The following SCAPER variants were observed in gnomAD, a reference collection of about 807,000 sequenced individuals.
The protein encoded by SCAPER is S phase cyclin A-associated protein in the endoplasmic reticulum.
In SCAPER, 98 loss-of-function variants were observed where a neutral mutation model predicts 182.2. The observed-to-expected ratio is 0.54, with a 90% CI of 0.46 to 0.64. The LOEUF (loss-of-function observed/expected upper bound fraction) is 0.64. SCAPER is among the 30% of genes least tolerant of loss of function. The probability of loss-of-function intolerance (pLI) is 0.00; values close to 1 mark genes in which losing one functional copy is unlikely to be tolerated. For synonymous variants in SCAPER, 605 were observed against 564.6 expected (o/e 1.07, Z -1.01); for missense variants, 1,432 against 1,690.0 (o/e 0.85, Z 2.68).
intron 20 of SCAPER, among the ~76,000 whole-genome samples, chr15:76,679,254 T>G (rs1342854423): frequency 6.6e-6 from 1 of 152,184 alleles, no homozygotes; most frequent in African/African-American, 2.4e-5. Flanking sequence ...CTTTTACCTA[T>G]GTTTCCCTAG....
chr15:76,847,091 G>A (rs761750356), intron 4 of SCAPER, among the ~76,000 whole-genome samples: 11 of 152,078 alleles, frequency 7.2e-5, no homozygotes, highest in African/African-American at 1.4e-4. Flanking sequence ...AATAAGCCAG[G>A]CACAGAAAGA....
In SCAPER at chr15:76,749,236, A is replaced by T. The variant is rs900715442; in HGVS notation, c.1866+4572T>A. 5.3e-5 allele frequency among the ~76,000 whole-genome samples: 8 copies of T among 149,548 alleles called. No individual in the cohort carries two copies. The East Asian group carries it at 5.8e-4, about 11-fold the overall frequency. ...AAATCAAGCAGTGAAATTCATCATT[A>T]AAAAAAAAATTTAATGGTATCTTAA... On this transcript the variant is annotated intron_variant, in intron 15 of 31. Transcript: ENST00000563290.
intron 25 of SCAPER, among the ~76,000 whole-genome samples, chr15:76,450,209 C>A (rs2048281989): frequency 6.6e-6 from 1 of 152,126 alleles, no homozygotes; most frequent in South Asian, 2.1e-4. Context: ...CTGAAAAGGG[C>A]ACTCAAAAGT....
chr15:76,410,492 T>C (rs1323495477), intron 26 of SCAPER, among the ~76,000 whole-genome samples: 1 of 152,164 alleles, frequency 6.6e-6, no homozygotes, highest in Non-Finnish European at 1.5e-5. Flanking sequence ...TCAAAAGAGG[T>C]GGCATCTTCA....
In SCAPER at chr15:76,815,223, AC is replaced by A. The variant is rs1415367042; in HGVS notation, c.394-10591del. On this transcript the variant is annotated intron_variant, in intron 5 of 31. Coordinates refer to ENST00000563290, the MANE Select transcript of SCAPER (RefSeq NM_020843.4). The stretch of plus-strand genomic sequence containing the variant: ...GAAAGTTTCTCAAAAAATTAAAAAT[AC>A]AACTACCATATGACCCAAAAATCCC... Among the ~76,000 whole-genome samples, 19 of 152,342 alleles carry A rather than the reference AC, an allele frequency of 1.2e-4. 1 individual carries two copies. Among genetic ancestry groups the A allele is most frequent in the African/African-American group, 4.1e-4 (17 of 41,588 alleles).
intron 29 of SCAPER, among the ~76,000 whole-genome samples, chr15:76,369,236 A>T (rs1229558046): frequency 6.6e-6 from 1 of 152,258 alleles, no homozygotes; most frequent in African/African-American, 2.4e-5. Context: ...TGTCTTATAA[A>T]GACACAAGCT....
intron 4 of SCAPER, among the ~76,000 whole-genome samples, chr15:76,848,636 A>T (rs575744744): frequency 1.3e-5 from 2 of 152,142 alleles, no homozygotes; most frequent in South Asian, 2.1e-4. Flanking sequence ...GCCCGGGCAA[A>T]GATTTATGTC....
At chr15:76,467,034 T>C (rs2049724322) in intron 25 of SCAPER, among the ~76,000 whole-genome samples, 1 of 152,052 alleles carries the variant, frequency 6.6e-6, no homozygotes, top group Admixed American at 6.6e-5. Context: ...ACAAGATCAG[T>C]TGTTTAAAAG....
rs1374833395 is a variant in SCAPER at position 76,444,334 on chromosome 15, A to ACG, written c.3079-10025_3079-10024insCG. Among the ~76,000 whole-genome samples the ACG allele has an allele frequency of 1.5e-4, 23 of 152,222 alleles. 1 individual carries two copies. Among genetic ancestry groups the ACG allele is most frequent in the Non-Finnish European group, 2.9e-5 (2 of 68,036 alleles). On this transcript the variant is annotated intron_variant, in intron 25 of 31. Transcript: ENST00000563290. ...ACCCTTAGTTTTTTAGGGATGAATT[A>ACG]GGTGGCTGGTAGTACCACTTATAAA...
intron 15 of SCAPER, among the ~76,000 whole-genome samples, chr15:76,752,374 T>C (rs1045791061): frequency 8.6e-5 from 13 of 151,854 alleles, no homozygotes; most frequent in African/African-American, 3.1e-4. Flanking sequence ...GCCTTTCCAA[T>C]TCTGGGTATA....
At chr15:76,625,626 G>A (rs2052501699) in intron 21 of SCAPER, among the ~76,000 whole-genome samples, 1 of 152,102 alleles carries the variant, frequency 6.6e-6, no homozygotes, top group South Asian at 2.1e-4. Flanking sequence ...TCTGATTGTG[G>A]CACCTTTCTG....
chr15:76,384,690 G>C (rs75430742), intron 27 of SCAPER, among the ~76,000 whole-genome samples: 4,864 of 152,262 alleles, frequency 0.032, 241 homozygotes, highest in African/African-American at 0.11. Flanking sequence ...CATTCATGTT[G>C]AAGAGAGCCC....
intron 24 of SCAPER, among the ~76,000 whole-genome samples, chr15:76,483,927 C>G (rs1243343463): frequency 6.6e-6 from 1 of 152,104 alleles, no homozygotes; most frequent in Non-Finnish European, 1.5e-5. Flanking sequence ...CATTGGAAGA[C>G]AGTTTGGTAG....
At chr15:76,746,725 A>G (rs1157168725) in intron 15 of SCAPER, among the ~76,000 whole-genome samples, 1 of 152,258 alleles carries the variant, frequency 6.6e-6, no homozygotes, top group Admixed American at 6.5e-5. Flanking sequence ...TCTACACATT[A>G]GCAATGAATA....
intron 8 of SCAPER, among the ~76,000 whole-genome samples, chr15:76,794,770 C>T (rs1456875831): frequency 2.6e-5 from 4 of 152,062 alleles, no homozygotes; most frequent in Non-Finnish European, 1.5e-5. Flanking sequence ...CTATATAATT[C>T]TTATGGGATA....
chr15:76,453,475 A>G (rs1366160029), intron 25 of SCAPER, among the ~76,000 whole-genome samples: 2 of 152,230 alleles, frequency 1.3e-5, no homozygotes, highest in Non-Finnish European at 2.9e-5. Flanking sequence ...ATTTTGAGGT[A>G]TGTCCTAAAA....
At chr15:76,628,497 T>C (rs1316259300) in intron 21 of SCAPER, among the ~76,000 whole-genome samples, 1 of 152,210 alleles carries the variant, frequency 6.6e-6, no homozygotes, top group Non-Finnish European at 1.5e-5. Context: ...TGCATATGGC[T>C]AGCCAGTTAT....
At chr15:76,416,341 T>C (rs1830280651) in intron 26 of SCAPER, among the ~76,000 whole-genome samples, 1 of 146,932 alleles carries the variant, frequency 6.8e-6, no homozygotes, top group African/African-American at 2.5e-5. Context: ...GTACAAAAAT[T>C]AGCCAGGCGA....
At chr15:76,752,242 A>T (rs756419463) in intron 15 of SCAPER, among the ~76,000 whole-genome samples, 30 of 151,780 alleles carry the variant, frequency 2.0e-4, no homozygotes, top group Non-Finnish European at 4.0e-4. Context: ...GGAGTTAGAG[A>T]GGATATGGAA....
Sources: gnomAD v4.1 joint callset for allele counts (sites outside exome capture counted in the v4.1 genomes callset) on GRCh38, gnomAD v4.1.1 for gene constraint, MANE v1.5 for transcripts, NCBI Gene and HGNC (gene_info 2026-07-23, HGNC 2026-07-21) for gene names.